Variants in NSUN3 observed in about 807,000 individuals in gnomAD.
NSUN3 encodes the protein tRNA (cytosine(34)-C(5))-methyltransferase, mitochondrial.
A neutral mutation model predicts 36.8 loss-of-function variants in NSUN3; 24 were observed. That is an observed-to-expected ratio of 0.65 (90% confidence interval 0.47 to 0.92). The LOEUF (loss-of-function observed/expected upper bound fraction) is 0.92. Ranked by LOEUF, NSUN3 falls within the 40% of genes least tolerant of loss-of-function variation. The probability of loss-of-function intolerance (pLI) is 0.00; values close to 1 mark genes in which losing one functional copy is unlikely to be tolerated. For synonymous variants in NSUN3, 146 were observed against 145.2 expected, an observed-to-expected ratio of 1.01 and a Z score of -0.04; for missense variants, 381 against 392.8, an observed-to-expected ratio of 0.97 and a Z score of 0.25.
chr3:94,087,422 A>G (rs1401332257), intron 3 of NSUN3, among the ~76,000 whole-genome samples: 1 of 152,224 alleles, frequency 6.6e-6, no homozygotes, highest in East Asian at 1.9e-4. Context: ...GATTTAAAAA[A>G]AAGAGTCTAC....
At position 94,094,233 on chromosome 3, in the gene NSUN3, T is replaced by C. The variant is rs370523333; in HGVS notation, c.560T>C (p.Ile187Thr). ...SFIPQPLINV[I>T]KVSELDGRKM... ...ATCCCACAGCCTTTGATAAATGTAA[T>C]TAAAGTGTCTGAATTGGATGGCAGA... The change falls in exon 4 of 6, where the codon ATT becomes ACT. Residue 187 changes from isoleucine (I) to threonine (T), a missense_variant. Coordinates refer to ENST00000314622, the MANE Select transcript of NSUN3 (RefSeq NM_022072.5). 14 of 1,613,806 alleles carry C rather than the reference T, an allele frequency of 8.7e-6. No homozygotes were observed. Among genetic ancestry groups the C allele is most frequent in the Non-Finnish European group, 1.0e-5 (12 of 1,179,854 alleles).
intron 2 of NSUN3, among the ~76,000 whole-genome samples, chr3:94,069,813 T>C (rs1400199870): frequency 6.6e-6 from 1 of 152,162 alleles, no homozygotes; most frequent in Non-Finnish European, 1.5e-5. Flanking sequence ...CCCAGGCACT[T>C]AGCCAAGGAG....
intron 5 of NSUN3, among the ~76,000 whole-genome samples, chr3:94,096,617 GCCC>G (rs1039992554): frequency 1.3e-5 from 2 of 152,070 alleles, no homozygotes; most frequent in African/African-American, 4.8e-5. Context: ...TCATGCCTCA[GCCC>G]CCCAAGTGGC....
intron 5 of NSUN3, among the ~76,000 whole-genome samples, chr3:94,117,742 C>A (rs1349536365): frequency 2.6e-5 from 4 of 152,050 alleles, no homozygotes; most frequent in African/African-American, 9.7e-5. Context: ...CTTCATTATG[C>A]AGTAGGCCAT....
chr3:94,076,160 A>C (rs2077244861), intron 2 of NSUN3: 21 of 1,182,616 alleles, frequency 1.8e-5, no homozygotes, highest in Non-Finnish European at 2.5e-5. Context: ...CTAGACATTC[A>C]GTCTGCGATC....
chr3:94,111,760 C>T (rs2077418813), intron 5 of NSUN3, among the ~76,000 whole-genome samples: 1 of 151,800 alleles, frequency 6.6e-6, no homozygotes, highest in Non-Finnish European at 1.5e-5. Context: ...TCTATGATAA[C>T]AGTACCTTCT....
chr3:94,101,438 T>C (rs943614452), intron 5 of NSUN3, among the ~76,000 whole-genome samples: 1 of 152,116 alleles, frequency 6.6e-6, no homozygotes, highest in African/African-American at 2.4e-5. Context: ...GAAAAACTTA[T>C]TGGAAGGCAC....
At position 94,131,214 on chromosome 3, in the gene NSUN3, G is replaced by A. The variant is rs776501928; in HGVS notation, c.*4724G>A. On this transcript the variant is annotated 3_prime_UTR_variant, in exon 6 of 6. Coordinates refer to ENST00000314622, the MANE Select transcript of NSUN3 (RefSeq NM_022072.5). ...ATTACAGGTGTGAGCCATTGTGCTC[G>A]GCCTCATATATTATTAGTTGTAAAA... Among the ~76,000 whole-genome samples the A allele has an allele frequency of 1.3e-5, 2 of 151,848 alleles. No individual in the cohort carries two copies. Among genetic ancestry groups the A allele is most frequent in the African/African-American group, 4.8e-5 (2 of 41,296 alleles).
chr3:94,075,973 C>T (rs1215567983), intron 2 of NSUN3: 22 of 1,577,946 alleles, frequency 1.4e-5, no homozygotes, highest in Non-Finnish European at 1.9e-5. Flanking sequence ...TGTTCTCTGC[C>T]ATTTGCCACA....
rs1444691736 is a variant in NSUN3, at chr3:94,130,072, A to G, written c.*3582A>G. Among the ~76,000 whole-genome samples, 1 of 152,072 alleles carries G rather than the reference A, an allele frequency of 6.6e-6. No individual in the cohort carries two copies. The highest frequency in any genetic ancestry group is 1.5e-5 in the Non-Finnish European group (1 of 68,016). ...CCCACTGTGTATGTTGTCTTTATTG[A>G]TGCTTAAAACAAACTCAGGAATAAG... is the stretch of plus-strand genomic sequence containing the variant. On this transcript the variant is annotated 3_prime_UTR_variant, in exon 6 of 6. Coordinates refer to ENST00000314622, the MANE Select transcript of NSUN3 (RefSeq NM_022072.5).
intron 3 of NSUN3, among the ~76,000 whole-genome samples, chr3:94,088,871 G>A (rs145694775): frequency 4.6e-5 from 7 of 152,104 alleles, no homozygotes; most frequent in African/African-American, 9.6e-5. Flanking sequence ...GTTTCACCAC[G>A]TTGGCCAGGC....
At chr3:94,113,632 G>C (rs746251282) in intron 5 of NSUN3, among the ~76,000 whole-genome samples, 12 of 152,166 alleles carry the variant, frequency 7.9e-5, no homozygotes, top group Non-Finnish European at 1.6e-4. Context: ...TCATGAAGTT[G>C]AGGATTAATG....
At chr3:94,093,383 G>GT (rs1289003179) in intron 3 of NSUN3, among the ~76,000 whole-genome samples, 1 of 151,928 alleles carries the variant, frequency 6.6e-6, no homozygotes, top group African/African-American at 2.4e-5. Flanking sequence ...GCTTTACAAT[G>GT]TTTTTTCCCT....
chr3:94,071,486 TATG>T (rs1368450016), intron 2 of NSUN3, among the ~76,000 whole-genome samples: 1 of 152,252 alleles, frequency 6.6e-6, no homozygotes, highest in Non-Finnish European at 1.5e-5. Context: ...TCAAAATCAT[TATG>T]ATATTTAGTT....
intron 5 of NSUN3, among the ~76,000 whole-genome samples, chr3:94,108,690 G>T (rs1212758537): frequency 1.3e-5 from 2 of 151,424 alleles, no homozygotes; most frequent in African/African-American, 4.8e-5. Context: ...ACACAGTCTT[G>T]CTCTGTTGCC....
chr3:94,074,118 G>A (rs537675833), intron 2 of NSUN3, among the ~76,000 whole-genome samples: 1 of 152,232 alleles, frequency 6.6e-6, no homozygotes, highest in African/African-American at 2.4e-5. Context: ...GTAGATGTGT[G>A]GTATTATTTC....
At chr3:94,063,423 A>T (rs1240845445) in intron 1 of NSUN3, 5 of 479,900 alleles carry the variant, frequency 1.0e-5, no homozygotes, top group Non-Finnish European at 1.9e-5. Flanking sequence ...AGCTTAGAAC[A>T]GTGTCTGTTA....
chr3:94,083,330 T>G (rs1267654265), intron 2 of NSUN3, among the ~76,000 whole-genome samples: 2 of 152,118 alleles, frequency 1.3e-5, no homozygotes, highest in African/African-American at 2.4e-5. Flanking sequence ...CAGAAGAGAT[T>G]TATTGAAACT....
At chr3:94,087,423 A>T (rs1313839703) in intron 3 of NSUN3, among the ~76,000 whole-genome samples, 1 of 152,236 alleles carries the variant, frequency 6.6e-6, no homozygotes, top group Non-Finnish European at 1.5e-5. Flanking sequence ...ATTTAAAAAA[A>T]AGAGTCTACT....
Sources: gnomAD v4.1 joint callset for allele counts (sites outside exome capture counted in the v4.1 genomes callset) on GRCh38, gnomAD v4.1.1 for gene constraint, MANE v1.5 for transcripts, NCBI Gene and HGNC (gene_info 2026-07-23, HGNC 2026-07-21) for gene names.